TNFRSF8: variants seen among roughly 807,000 people sequenced by gnomAD.
The protein encoded by TNFRSF8 is TNF receptor superfamily member 8.
A neutral mutation model predicts 70.8 loss-of-function variants in TNFRSF8; 26 were observed. The ratio of observed to expected loss-of-function variants is 0.37; its 90% CI spans 0.27 to 0.51. The LOEUF is 0.51. Ranked by LOEUF, TNFRSF8 falls within the 20% of genes least tolerant of loss-of-function variation. TNFRSF8 has a pLI of 0.94. For missense variants in TNFRSF8, 720 were observed against 807.9 expected (o/e 0.89, Z 1.32); for synonymous variants, 356 against 339.2 (o/e 1.05, Z -0.54).
At position 12,109,743 on chromosome 1, in the gene TNFRSF8, CTGGGCTGGGGGTGT is replaced by C; in HGVS notation, c.512+88_512+101del. 8.4e-7 allele frequency: 1 copy of C among 1,193,266 alleles called. No individual in the cohort carries two copies. Among genetic ancestry groups the C allele is most frequent in the Non-Finnish European group, 1.2e-6 (1 of 816,476 alleles). The allele number at this position is 1,193,266 out of a possible 1,614,324, so 73.9% of individuals were successfully genotyped here. A position where few individuals can be genotyped will look rare whatever the true frequency, so the allele number is the denominator to read the frequency against. ...ACCCCACAGGACGCCCATGGTACAA[CTGGGCTGGGGGTGT>C]AAGCGGGATTCAGCCCATGGTGTCA... On this transcript the variant is annotated intron_variant, in intron 5 of 14. Transcript: ENST00000263932. The surrounding 1 kb of genome is among the most constrained non-coding windows in gnomAD (Gnocchi z 4.4).
At chr1:12,133,738 CAAAAAAAAAAA>C (rs34040378) in intron 12 of TNFRSF8, among the ~76,000 whole-genome samples, 1 of 91,010 alleles carries the variant, frequency 1.1e-5, no homozygotes, top group Non-Finnish European at 2.1e-5. Context: ...GACTCCATCT[CAAAAAAAAAAA>C]AAAAAAAAAA....
chr1:12,118,147 G>T (rs1461519672), intron 8 of TNFRSF8, among the ~76,000 whole-genome samples: 1 of 137,590 alleles, frequency 7.3e-6, no homozygotes, highest in Non-Finnish European at 1.5e-5. Flanking sequence ...GTCTCGCTCT[G>T]TTGCCCAGGC....
At chr1:12,078,294 T>A (rs112940042) in intron 1 of TNFRSF8, among the ~76,000 whole-genome samples, 7,843 of 152,182 alleles carry the variant, frequency 0.052, 683 homozygotes, top group African/African-American at 0.18. Flanking sequence ...CCAGGCATGG[T>A]GGCTCATGCC....
At chr1:12,080,996 C>T (rs1641054043) in intron 1 of TNFRSF8, among the ~76,000 whole-genome samples, 2 of 152,196 alleles carry the variant, frequency 1.3e-5, no homozygotes, top group Non-Finnish European at 2.9e-5. Flanking sequence ...CTCTGGGCTG[C>T]AGTTTCCTCA....
At position 12,088,892 on chromosome 1, in the gene TNFRSF8, C is replaced by G. The variant is rs1186777588; in HGVS notation, c.151+4341C>G. Among the ~76,000 whole-genome samples, 3 of 152,204 alleles carry G rather than the reference C, an allele frequency of 2.0e-5. No individual in the cohort carries two copies. On this transcript the variant is annotated intron_variant, in intron 2 of 14. Coordinates refer to ENST00000263932, the MANE Select transcript of TNFRSF8 (RefSeq NM_001243.5). This position sits in a 1 kb window ranked among gnomAD's most constrained non-coding sequence, Gnocchi z 4.0. Reference sequence around the variant, plus strand: ...CCCCTGCCGCCTCCCCCTCCCCCGCCCAGTCCCTCTTCATCCTGGGCTTCA... The same window carrying G: ...CCCCTGCCGCCTCCCCCTCCCCCGCGCAGTCCCTCTTCATCCTGGGCTTCA...
In TNFRSF8 at chr1:12,113,924, G is replaced by A. The variant is rs1397984592; in HGVS notation, c.794-1653G>A. Among the ~76,000 whole-genome samples the A allele has an allele frequency of 6.6e-6, 1 of 152,238 alleles. No homozygotes were observed. The highest frequency in any genetic ancestry group is 1.5e-5 in the Non-Finnish European group (1 of 68,044). Reference sequence around the variant, plus strand: ...AGGAAAACAGTTGTACTTCTTGACAGGTAGGTGGCAAAGGCTCTGGAAGGG... The same window carrying A: ...AGGAAAACAGTTGTACTTCTTGACAAGTAGGTGGCAAAGGCTCTGGAAGGG... On this transcript the variant is annotated intron_variant, in intron 7 of 14. Transcript: ENST00000263932. The surrounding 1 kb of genome is among the most constrained non-coding windows in gnomAD (Gnocchi z 4.9).
Position 12,104,301 on chromosome 1 carries a change from C to T in TNFRSF8, c.269-78C>T, listed in dbSNP as rs565153542. The T allele has an allele frequency of 3.2e-6, 5 of 1,552,468 alleles. No individual in the cohort carries two copies. The South Asian group carries it at 4.5e-5, about 14-fold the overall frequency. On this transcript the variant is annotated intron_variant, in intron 3 of 14. Coordinates refer to ENST00000263932, the MANE Select transcript of TNFRSF8 (RefSeq NM_001243.5). ...CTGCGTTGCGGACTGCACCTGCCCT[C>T]TCCCCCTCATCTCAAGAGCTATCTG...
At position 12,138,266 on chromosome 1, in the gene TNFRSF8, C is replaced by T. The variant is rs139117240; in HGVS notation, c.1373C>T (p.Ala458Val). ...GGTGCGTCGGTGACAGAACCCGTCG[C>T]GGAAGAGCGAGGGTTAATGAGCCAG... is the stretch of plus-strand genomic sequence containing the variant. ...RSGASVTEPV[A>V]EERGLMSQPL... Residue 458 changes from alanine (A) to valine (V), a missense_variant, in exon 14 of 15, where the codon GCG becomes GTG. Ala to Val is a moderately conservative substitution (Grantham distance 64, BLOSUM62 0). Coordinates refer to ENST00000263932, the MANE Select transcript of TNFRSF8 (RefSeq NM_001243.5). The surrounding 1 kb of genome is among the most constrained non-coding windows in gnomAD (Gnocchi z 5.7). 7.4e-5 allele frequency: 120 copies of T among 1,613,504 alleles called. No homozygotes were observed. Among genetic ancestry groups the T allele is most frequent in the Middle Eastern group, 6.6e-4 (4 of 6,046 alleles).
Position 12,139,483 on chromosome 1 carries a change from T to G in TNFRSF8, c.1543+1047T>G, listed in dbSNP as rs544657589. 7.2e-5 allele frequency among the ~76,000 whole-genome samples: 11 copies of G among 152,330 alleles called. No individual in the cohort carries two copies. In the South Asian group the frequency reaches 2.3e-3, roughly 32 times the overall value. Reference sequence around the variant, plus strand: ...GAAGCCTTCTGTGCCCTCTCCACCATGCTATGCTCCCTAAGAACCCAGGCC... The same window carrying G: ...GAAGCCTTCTGTGCCCTCTCCACCAGGCTATGCTCCCTAAGAACCCAGGCC... On this transcript the variant is annotated intron_variant, in intron 14 of 14. Coordinates refer to ENST00000263932, the MANE Select transcript of TNFRSF8 (RefSeq NM_001243.5).
At chr1:12,132,873 T>C (rs1642074097) in intron 12 of TNFRSF8, among the ~76,000 whole-genome samples, 1 of 151,098 alleles carries the variant, frequency 6.6e-6, no homozygotes, top group Admixed American at 6.6e-5. Flanking sequence ...TCAACCTGAT[T>C]TACCACTGGG....
intron 12 of TNFRSF8, among the ~76,000 whole-genome samples, chr1:12,128,842 T>TTTA (rs1641994090): frequency 1.4e-5 from 2 of 146,318 alleles, no homozygotes; most frequent in African/African-American, 2.6e-5. Context: ...TCTTTTTTTT[T>TTTA]TTTTTTTTTT....
chr1:12,136,920 T>C lies in TNFRSF8; in HGVS notation c.1335+1307T>C, dbSNP rs552570440. 1.9e-4 allele frequency among the ~76,000 whole-genome samples: 28 copies of C among 149,344 alleles called. No individual in the cohort carries two copies. In the South Asian group the frequency reaches 5.9e-3, roughly 32 times the overall value. ...TAATTTTTTTAGTATTTATTGATCA[T>C]TCTTGGGTGTTTCTCAGAGAGGGGG... is the stretch of plus-strand genomic sequence containing the variant. On this transcript the variant is annotated intron_variant, in intron 13 of 14. Transcript: ENST00000263932.
At position 12,119,902 on chromosome 1, in the gene TNFRSF8, G is replaced by T. The variant is rs372871133; in HGVS notation, c.947-3382G>T. ...GACTAGTCAAAGCTGGATACCTCTG[G>T]TCTGATACAACCCCTTCGTTTTACA... On this transcript the variant is annotated intron_variant, in intron 8 of 14. Transcript: ENST00000263932. The surrounding 1 kb of genome is among the most constrained non-coding windows in gnomAD (Gnocchi z 4.4). Among the ~76,000 whole-genome samples the T allele has an allele frequency of 1.2e-4, 19 of 152,250 alleles. No individual in the cohort carries two copies. The South Asian group carries it at 3.5e-3, about 28-fold the overall frequency.
At position 12,138,206 on chromosome 1, in the gene TNFRSF8, C is replaced by G; in HGVS notation, c.1336-23C>G. 1 of 1,610,186 alleles carries G rather than the reference C, an allele frequency of 6.2e-7. No individual in the cohort carries two copies. Among genetic ancestry groups the G allele is most frequent in the South Asian group, 1.1e-5 (1 of 90,900 alleles). On this transcript the variant is annotated intron_variant, in intron 13 of 14. Transcript: ENST00000263932. The surrounding 1 kb of genome is among the most constrained non-coding windows in gnomAD (Gnocchi z 5.7). ...TGGGGAGGTTGGGGGTACCCTGCAG[C>G]AGCACCCATTCCCGTCCCACAGCAG...
chr1:12,124,857 A>G (rs1433940815), intron 10 of TNFRSF8, among the ~76,000 whole-genome samples: 1 of 147,944 alleles, frequency 6.8e-6, no homozygotes, highest in Non-Finnish European at 1.5e-5. Flanking sequence ...ACAAAACAAA[A>G]CAAAACAAAA....
rs111811833 is a variant in TNFRSF8, at chr1:12,128,823, G to A, written c.1309+2587G>A. On this transcript the variant is annotated intron_variant, in intron 12 of 14. Transcript: ENST00000263932. ...AAAACCTCCTGGTTGAGAACCACTGGTCTAAAATTCTTTTTTTTTTTTTTT... is the reference window on the plus strand; with the variant it reads ...AAAACCTCCTGGTTGAGAACCACTGATCTAAAATTCTTTTTTTTTTTTTTT... Among the ~76,000 whole-genome samples the A allele has an allele frequency of 7.1e-4, 98 of 138,232 alleles. 1 individual carries two copies. Among genetic ancestry groups the A allele is most frequent in the African/African-American group, 2.2e-3 (82 of 36,532 alleles). 90.7% of individuals were successfully genotyped at this position (138,232 alleles called of 152,430 possible). A position where few individuals can be genotyped will look rare whatever the true frequency, so the allele number is the denominator to read the frequency against.
At chr1:12,082,114 T>G (rs1465293696) in intron 1 of TNFRSF8, among the ~76,000 whole-genome samples, 2 of 152,186 alleles carry the variant, frequency 1.3e-5, no homozygotes, top group Non-Finnish European at 1.5e-5. Flanking sequence ...TGCAATGGCG[T>G]TCCCCTGTCA....
rs1410526618 is a variant in TNFRSF8, at chr1:12,088,542, G to T, written c.151+3991G>T. On this transcript the variant is annotated intron_variant, in intron 2 of 14. Transcript: ENST00000263932. The surrounding 1 kb of genome is among the most constrained non-coding windows in gnomAD (Gnocchi z 4.0). ...AAGAGTTTACGAGTGAAGAGCTAAT[G>T]CGGGGGCTACAAAGCCCTTCCTGTT... Among the ~76,000 whole-genome samples the T allele has an allele frequency of 1.3e-5, 2 of 152,192 alleles. 1 individual carries two copies. Among genetic ancestry groups the T allele is most frequent in the Admixed American group, 1.3e-4 (2 of 15,280 alleles).
At chr1:12,123,974 G>A (rs1393870155) in intron 10 of TNFRSF8, 147 bp downstream of exon 10, 3 of 642,360 alleles carry the variant, frequency 4.7e-6, no homozygotes, top group Admixed American at 5.9e-5. Context: ...CTGGCTTCTT[G>A]AGTTGGTGCT....
Sources: gnomAD v4.1 joint callset for allele counts (sites outside exome capture counted in the v4.1 genomes callset) on GRCh38, gnomAD v4.1.1 for gene constraint, Gnocchi (gnomAD v3.1) non-coding constraint, MANE v1.5 for transcripts, NCBI Gene and HGNC (gene_info 2026-07-23, HGNC 2026-07-21) for gene names.